The following CCDC28A variants were observed in gnomAD, a reference collection of about 807,000 sequenced individuals.
CCDC28A encodes coiled-coil domain containing 28A.
A neutral mutation model predicts 22.1 loss-of-function variants in CCDC28A; 24 were observed. That is an observed-to-expected ratio of 1.09 (90% CI 0.79 to 1.53). CCDC28A has a LOEUF of 1.53. Among genes scored for constraint, CCDC28A ranks in the 40% most tolerant of loss-of-function variants. The probability of loss-of-function intolerance (pLI) is 0.00; values close to 1 mark genes in which losing one functional copy is unlikely to be tolerated. For synonymous variants in CCDC28A, 83 were observed against 74.7 expected, an observed-to-expected ratio of 1.11 and a Z score of -0.57; for missense variants, 170 against 210.7, an observed-to-expected ratio of 0.81 and a Z score of 1.20.
At chr6:138,778,415 C>T (rs1166019834) in intron 2 of CCDC28A, among the ~76,000 whole-genome samples, 2 of 152,194 alleles carry the variant, frequency 1.3e-5, no homozygotes, top group African/African-American at 2.4e-5. Flanking sequence ...CCACGCTGAA[C>T]GAACTGCTTC....
chr6:138,788,328 A>C, intron 4 of CCDC28A, 38 bp from the exon 5 acceptor site: 4 of 782,580 alleles, frequency 5.1e-6, no homozygotes, highest in Non-Finnish European at 3.9e-6. Context: ...TATTGATCTT[A>C]TAAAAATTAA....
chr6:138,792,517 A>G (rs1190144667), intron 5 of CCDC28A, among the ~76,000 whole-genome samples: 3 of 151,050 alleles, frequency 2.0e-5, no homozygotes, highest in Non-Finnish European at 4.4e-5. Context: ...GTGAGTCCTT[A>G]TCTCTAAAAT....
At position 138,793,118 on chromosome 6, in the gene CCDC28A, TTC is replaced by T; in HGVS notation, c.*319_*320del. ...GATGTTCTTGACAGGGCGGAGGGATTTCTCTTTCCTGAGCTCACCAAACTTAT... is the reference window on the plus strand; with the variant it reads ...GATGTTCTTGACAGGGCGGAGGGATTTCTTTCCTGAGCTCACCAAACTTAT... On this transcript the variant is annotated 3_prime_UTR_variant, in exon 6 of 6. Coordinates refer to ENST00000617445, the MANE Select transcript of CCDC28A (RefSeq NM_015439.3). 3.4e-6 allele frequency: 1 copy of T among 292,182 alleles called. No homozygotes were observed. The highest frequency in any genetic ancestry group is 6.6e-6 in the Non-Finnish European group (1 of 152,258). 18.1% of individuals were successfully genotyped at this position (292,182 alleles called of 1,614,324 possible). A position where few individuals can be genotyped will look rare whatever the true frequency, so the allele number is the denominator to read the frequency against.
intron 2 of CCDC28A, 148 bp from the exon 3 acceptor site, chr6:138,779,672 TGG>T: frequency 2.1e-6 from 1 of 485,786 alleles, no homozygotes; most frequent in Non-Finnish European, 3.5e-6. Flanking sequence ...TTTTTTCTTT[TGG>T]TTTCTGGCTT....
In CCDC28A at chr6:138,792,789, A is replaced by T. The variant is rs61740883; in HGVS notation, c.541A>T (p.Thr181Ser). 5,189 of 1,608,266 alleles carry T rather than the reference A, an allele frequency of 3.2e-3. 32 individuals are homozygous for T. Among genetic ancestry groups the T allele is most frequent in the Non-Finnish European group, 3.1e-3 (3,668 of 1,176,808 alleles). ...HLADAQDVPNTSAS is the reference protein window; with the variant it reads ...HLADAQDVPNSSAS ...GGCAGATGCACAAGATGTTCCAAAT[A>T]CTTCTGCTAGCTAAAATGAAATGTA... The change falls in exon 6 of 6, where the codon ACT becomes TCT. Residue 181 changes from threonine to serine, a missense_variant. Transcript: ENST00000617445.
chr6:138,779,343 C>T (rs1774983193), intron 2 of CCDC28A, among the ~76,000 whole-genome samples: 1 of 152,180 alleles, frequency 6.6e-6, no homozygotes, highest in South Asian at 2.1e-4. Context: ...TTTTAGTATT[C>T]CATTACATGG....
intron 5 of CCDC28A, among the ~76,000 whole-genome samples, chr6:138,792,027 G>A (rs116398990): frequency 0.012 from 1,764 of 152,244 alleles, 25 homozygotes; most frequent in African/African-American, 0.04. Flanking sequence ...CAAGATTCCC[G>A]TCCTATTTCC....
chr6:138,778,416 G>A (rs1449161975), intron 2 of CCDC28A, among the ~76,000 whole-genome samples: 1 of 152,108 alleles, frequency 6.6e-6, no homozygotes, highest in African/African-American at 2.4e-5. Context: ...CACGCTGAAC[G>A]AACTGCTTCT....
In CCDC28A at chr6:138,773,884, C is replaced by A. The variant is rs778839863; in HGVS notation, c.-61C>A. 1 of 1,613,588 alleles carries A rather than the reference C, an allele frequency of 6.2e-7. No individual in the cohort carries two copies. The highest frequency in any genetic ancestry group is 1.3e-5 in the African/African-American group (1 of 75,000). ...CTTTGCGGGTTGCGGAAGGGGGCCC[C>A]AATACCCTTCTTCTTCAGGTATGTA... On this transcript the variant is annotated 5_prime_UTR_variant, in exon 1 of 6. Transcript: ENST00000617445.
chr6:138,785,241 A>G lies in CCDC28A; in HGVS notation c.337A>G (p.Ile113Val), dbSNP rs556373419. Residue 113 changes from isoleucine (I) to valine (V), a missense_variant, in exon 4 of 6, where the codon ATT becomes GTT. Transcript: ENST00000617445. ...ATGTTCCCAAGGAAATGAATGTTCC[A>G]TTGAACAGATGGAACATGTTCGGGG... ...KLQAFGNECS[I>V]EQMEHVRGMQ... 9 of 1,613,354 alleles carry G rather than the reference A, an allele frequency of 5.6e-6. No individual in the cohort carries two copies. In the African/African-American group the frequency reaches 9.3e-5, roughly 17 times the overall value.
At position 138,784,346 on chromosome 6, in the gene CCDC28A, TC is replaced by T. The variant is rs376787696; in HGVS notation, c.323-880del. Among the ~76,000 whole-genome samples, 121 of 70,650 alleles carry T rather than the reference TC, an allele frequency of 1.7e-3. 2 individuals carry two copies. The East Asian group carries it at 0.056, about 33-fold the overall frequency. The allele number at this position is 70,650 out of a possible 152,430, so 46.3% of individuals were successfully genotyped here. On this transcript the variant is annotated intron_variant, in intron 3 of 5. Coordinates refer to ENST00000617445, the MANE Select transcript of CCDC28A (RefSeq NM_015439.3). ...CTACTTAAGGGACGATTTTCTTTTC[TC>T]TTTTTCTTTTTTTTTTTTTTTGAGA... is the stretch of plus-strand genomic sequence containing the variant.
intron 5 of CCDC28A, among the ~76,000 whole-genome samples, chr6:138,790,580 G>A (rs987925277): frequency 6.6e-6 from 1 of 152,228 alleles, no homozygotes; most frequent in Non-Finnish European, 1.5e-5. Context: ...TAATACAAGA[G>A]TGTAGGCTTT....
intron 4 of CCDC28A, 124 bp from the exon 5 acceptor site, chr6:138,788,242 C>G: frequency 2.5e-6 from 1 of 404,216 alleles, no homozygotes; most frequent in Non-Finnish European, 4.4e-6. Context: ...ATTATAAGCA[C>G]GGGTCACTGT....
At position 138,773,849 on chromosome 6, in the gene CCDC28A, G is replaced by T; in HGVS notation, c.-96G>T. 1 of 1,614,148 alleles carries T rather than the reference G, an allele frequency of 6.2e-7. No individual in the cohort carries two copies. Among genetic ancestry groups the T allele is most frequent in the Non-Finnish European group, 8.5e-7 (1 of 1,180,038 alleles). On this transcript the variant is annotated 5_prime_UTR_variant, in exon 1 of 6. Transcript: ENST00000617445. ...TGTGGCTGCGGCGGTGGCTTCTGAG[G>T]CTGTCGGGTCTTTGCGGGTTGCGGA...
chr6:138,775,311 C>T (rs1486557266), intron 1 of CCDC28A, among the ~76,000 whole-genome samples: 2 of 152,158 alleles, frequency 1.3e-5, no homozygotes, highest in Admixed American at 6.5e-5. Context: ...GTAGGGATAA[C>T]TAGGAGGCCT....
chr6:138,775,861 T>TAAAAC (rs200554126), intron 1 of CCDC28A, among the ~76,000 whole-genome samples: 4,778 of 151,998 alleles, frequency 0.031, 113 homozygotes, highest in Non-Finnish European at 0.041. Context: ...AAGAAAATGG[T>TAAAAC]AAAACAAAAC....
At chr6:138,775,161 G>A (rs1040418592) in intron 1 of CCDC28A, among the ~76,000 whole-genome samples, 7 of 152,174 alleles carry the variant, frequency 4.6e-5, no homozygotes, top group Non-Finnish European at 8.8e-5. Flanking sequence ...GGATGGTCTC[G>A]ATCTCCTGAC....
intron 1 of CCDC28A, among the ~76,000 whole-genome samples, chr6:138,775,641 A>G (rs1774919836): frequency 6.6e-6 from 1 of 152,212 alleles, no homozygotes; most frequent in South Asian, 2.1e-4. Context: ...TTAAGCATAC[A>G]TTTTGGAAGA....
Position 138,784,350 on chromosome 6 carries a change from T to C in CCDC28A, c.323-877T>C, listed in dbSNP as rs369151001. 1.7e-3 allele frequency among the ~76,000 whole-genome samples: 120 copies of C among 69,506 alleles called. 2 individuals carry two copies. The East Asian group carries it at 0.049, about 28-fold the overall frequency. 45.6% of individuals were successfully genotyped at this position (69,506 alleles called of 152,430 possible). ...TTAAGGGACGATTTTCTTTTCTCTT[T>C]TTCTTTTTTTTTTTTTTTGAGACAA... is the stretch of plus-strand genomic sequence containing the variant. On this transcript the variant is annotated intron_variant, in intron 3 of 5. Coordinates refer to ENST00000617445, the MANE Select transcript of CCDC28A (RefSeq NM_015439.3).
Sources: gnomAD v4.1 joint callset for allele counts (sites outside exome capture counted in the v4.1 genomes callset) on GRCh38, gnomAD v4.1.1 for gene constraint, MANE v1.5 for transcripts, NCBI Gene and HGNC (gene_info 2026-07-23, HGNC 2026-07-21) for gene names.